Variants in CARMIL1 observed in about 807,000 individuals in gnomAD.
The protein encoded by CARMIL1 is F-actin-uncapping protein LRRC16A.
A neutral mutation model predicts 177.1 loss-of-function variants in CARMIL1; 90 were observed. The ratio of observed to expected loss-of-function variants is 0.51; its 90% confidence interval spans 0.43 to 0.61. The LOEUF is 0.61. CARMIL1 is among the 20% of genes least tolerant of loss of function. The pLI, the probability that CARMIL1 is intolerant of heterozygous loss-of-function variation, is 0.00. For synonymous variants in CARMIL1, 577 were observed against 606.2 expected (o/e 0.95, Z 0.71); for missense variants, 1,380 against 1,667.0 (o/e 0.83, Z 3.00).
chr6:25,561,382 T>C (rs1284628947), intron 29 of CARMIL1, among the ~76,000 whole-genome samples: 2 of 152,220 alleles, frequency 1.3e-5, no homozygotes, highest in Non-Finnish European at 2.9e-5. Context: ...TATGTAATTC[T>C]TTCAATTATT....
chr6:25,404,465 A>C (rs1462419911), intron 2 of CARMIL1, among the ~76,000 whole-genome samples: 1 of 152,154 alleles, frequency 6.6e-6, no homozygotes, highest in African/African-American at 2.4e-5. Flanking sequence ...TGAGCTTTAA[A>C]CATAATAGAG....
chr6:25,321,092 A>C (rs535008578), intron 2 of CARMIL1, among the ~76,000 whole-genome samples: 1 of 100,802 alleles, frequency 9.9e-6, no homozygotes. Context: ...TTCTCCACCC[A>C]TTGGTTGTCT....
intron 8 of CARMIL1, among the ~76,000 whole-genome samples, chr6:25,453,519 A>G (rs575496668): frequency 1.3e-5 from 2 of 152,346 alleles, no homozygotes; most frequent in South Asian, 2.1e-4. Context: ...TACACAGGAT[A>G]TTAAAATGTT....
intron 2 of CARMIL1, among the ~76,000 whole-genome samples, chr6:25,346,654 TA>T (rs1316273413): frequency 6.6e-6 from 1 of 152,244 alleles, no homozygotes; most frequent in Non-Finnish European, 1.5e-5. Context: ...GCTCATTGCT[TA>T]TTCCTGGGGA....
At chr6:25,588,558 C>T (rs1813991052) in intron 31 of CARMIL1, among the ~76,000 whole-genome samples, 1 of 152,200 alleles carries the variant, frequency 6.6e-6, no homozygotes, top group Admixed American at 6.5e-5. Context: ...GCCACGTGGC[C>T]ACCTAACTGC....
intron 35 of CARMIL1, 136 bp from the exon 36 acceptor site, chr6:25,609,914 C>A: frequency 1.0e-6 from 1 of 1,003,440 alleles, no homozygotes; most frequent in Non-Finnish European, 1.4e-6. Flanking sequence ...AAACACAAAA[C>A]TAATTTTTGG....
chr6:25,477,463 A>G (rs1801679509), intron 11 of CARMIL1, among the ~76,000 whole-genome samples: 1 of 152,132 alleles, frequency 6.6e-6, no homozygotes, highest in Non-Finnish European at 1.5e-5. Flanking sequence ...CAAGATGGTG[A>G]ACAGACCACA....
intron 9 of CARMIL1, among the ~76,000 whole-genome samples, chr6:25,469,473 TC>T (rs1800907910): frequency 6.6e-6 from 1 of 152,208 alleles, no homozygotes; most frequent in South Asian, 2.1e-4. Context: ...CACTCTTTTT[TC>T]TAAATATCAT....
chr6:25,303,766 A>G (rs920997300), intron 2 of CARMIL1, among the ~76,000 whole-genome samples: 11 of 152,264 alleles, frequency 7.2e-5, no homozygotes, highest in African/African-American at 1.9e-4. Flanking sequence ...TAATCACCCA[A>G]CCTACTTTTA....
chr6:25,579,139 A>G (rs1025855136), intron 29 of CARMIL1, among the ~76,000 whole-genome samples: 3 of 149,980 alleles, frequency 2.0e-5, no homozygotes, highest in Non-Finnish European at 1.5e-5. Flanking sequence ...TATATTTGAA[A>G]TATAATTTTT....
chr6:25,408,568 A>G (rs1794616437), intron 2 of CARMIL1, among the ~76,000 whole-genome samples: 1 of 152,192 alleles, frequency 6.6e-6, no homozygotes. Context: ...TTGTGATCCC[A>G]TATTTTACAG....
At position 25,404,771 on chromosome 6, in the gene CARMIL1, A is replaced by G. The variant is rs1035667565; in HGVS notation, c.139-15343A>G. ...ACTTCGTCTTAAAAAAAAAAAAAAA[A>G]ATAGAGGTGCAGTGTTCCCTGCTTC... On this transcript the variant is annotated intron_variant, in intron 2 of 36. Coordinates refer to ENST00000329474, the MANE Select transcript of CARMIL1 (RefSeq NM_017640.6). 1.6e-3 allele frequency among the ~76,000 whole-genome samples: 125 copies of G among 77,816 alleles called. 2 individuals carry two copies. Among genetic ancestry groups the G allele is most frequent in the African/African-American group, 6.4e-3 (114 of 17,778 alleles). The allele number at this position is 77,816 out of a possible 152,430, so 51.1% of individuals were successfully genotyped here. A position where few individuals can be genotyped will look rare whatever the true frequency, so the allele number is the denominator to read the frequency against.
chr6:25,471,121 TTTC>T, intron 9 of CARMIL1, 45 bp from the exon 10 acceptor site: 1 of 1,255,512 alleles, frequency 8.0e-7, no homozygotes, highest in Non-Finnish European at 1.1e-6. Flanking sequence ...CAATAAAGTT[TTTC>T]TTCTTTAGAG....
chr6:25,582,459 C>T (rs1179813189), intron 31 of CARMIL1, among the ~76,000 whole-genome samples: 2 of 152,188 alleles, frequency 1.3e-5, no homozygotes, highest in Non-Finnish European at 2.9e-5. Context: ...CCACTTGCCT[C>T]CTAAATTTGA....
At chr6:25,356,074 G>T in intron 2 of CARMIL1, among the ~76,000 whole-genome samples, 1 of 148,474 alleles carries the variant, frequency 6.7e-6, no homozygotes, top group African/African-American at 2.5e-5. Flanking sequence ...TTTTTGAGAC[G>T]GAGTTTCGCT....
chr6:25,322,189 C>T (rs1784732375), intron 2 of CARMIL1, among the ~76,000 whole-genome samples: 1 of 152,208 alleles, frequency 6.6e-6, no homozygotes, highest in Non-Finnish European at 1.5e-5. Flanking sequence ...GTGGCACTAT[C>T]TCAGCTCACT....
intron 2 of CARMIL1, among the ~76,000 whole-genome samples, chr6:25,302,814 G>A (rs1381640291): frequency 7.2e-5 from 11 of 152,180 alleles, no homozygotes. Context: ...GTGCAGTCTG[G>A]AGAGCCATTA....
At chr6:25,420,563 T>A (rs1179705300) in intron 3 of CARMIL1, among the ~76,000 whole-genome samples, 1 of 24,884 alleles carries the variant, frequency 4.0e-5, no homozygotes, top group Non-Finnish European at 9.4e-5. Flanking sequence ...TTTCCTTCGG[T>A]GATCCGAAGT....
rs541349501 is a variant in CARMIL1 at position 25,365,685 on chromosome 6, T to C, written c.139-54429T>C. ...CTCCTGCCTCAACCTCCTGAGTAGC[T>C]GGGACTATAGGCATGTGCCACTGTA... On this transcript the variant is annotated intron_variant, in intron 2 of 36. Transcript: ENST00000329474. 5.5e-4 allele frequency among the ~76,000 whole-genome samples: 83 copies of C among 152,286 alleles called. 4 individuals are homozygous for C. The South Asian group carries it at 0.016, about 30-fold the overall frequency.
Sources: gnomAD v4.1 joint callset for allele counts (sites outside exome capture counted in the v4.1 genomes callset) on GRCh38, gnomAD v4.1.1 for gene constraint, MANE v1.5 for transcripts, NCBI Gene and HGNC (gene_info 2026-07-23, HGNC 2026-07-21) for gene names.